Variants in NXPE2 observed in about 807,000 individuals in gnomAD.
The protein encoded by NXPE2 is neurexophilin and PC-esterase domain family member 2, also known as NXPE family member 2.
A neutral mutation model predicts 34.4 loss-of-function variants in NXPE2; 34 were observed. The observed-to-expected ratio is 0.99, with a 90% CI of 0.75 to 1.31. The LOEUF (loss-of-function observed/expected upper bound fraction) is 1.31. Among genes scored for constraint, NXPE2 ranks in the 40% most tolerant of loss-of-function variants. The pLI is 0.00. For missense variants in NXPE2, 649 were observed against 672.5 expected, an observed-to-expected ratio of 0.97 and a Z score of 0.39; for synonymous variants, 235 against 231.3, an observed-to-expected ratio of 1.02 and a Z score of -0.15.
At chr11:114,584,102 T>C in the NXPE2 span, 3 of 291,422 alleles carry the variant, frequency 1.0e-5, 1 homozygote, top group South Asian at 9.9e-5. Context: ...GCATGCCAAG[T>C]GTGTGGAATC....
the NXPE2 span, among the ~76,000 whole-genome samples, chr11:114,524,733 T>C: frequency 6.6e-6 from 1 of 152,244 alleles, no homozygotes; most frequent in African/African-American, 2.4e-5. Context: ...GTAAACCCTA[T>C]GTTGTGTAAT....
chr11:114,575,352 C>A, the NXPE2 span, among the ~76,000 whole-genome samples: 1 of 151,980 alleles, frequency 6.6e-6, no homozygotes, highest in South Asian at 2.1e-4. Context: ...AGCAATCAGA[C>A]AAAAGGAAGA....
the NXPE2 span, among the ~76,000 whole-genome samples, chr11:114,573,928 G>T: frequency 6.6e-6 from 1 of 152,108 alleles, no homozygotes; most frequent in African/African-American, 2.4e-5. Flanking sequence ...ATCAGCACAT[G>T]GAACATTCTC....
chr11:114,723,240 T>C, the NXPE2 span, among the ~76,000 whole-genome samples: 401 of 152,244 alleles, frequency 2.6e-3, no homozygotes, highest in Admixed American at 4.3e-3. Flanking sequence ...GGAAATTCAG[T>C]TCATCTTTTC....
At chr11:114,641,915 C>G in the NXPE2 span, among the ~76,000 whole-genome samples, 7 of 152,020 alleles carry the variant, frequency 4.6e-5, no homozygotes, top group Non-Finnish European at 4.4e-5. Flanking sequence ...ACTAGAGTAA[C>G]TTTATGCCAA....
chr11:114,659,117 T>C, the NXPE2 span, among the ~76,000 whole-genome samples: 1 of 152,226 alleles, frequency 6.6e-6, no homozygotes, highest in Non-Finnish European at 1.5e-5. Flanking sequence ...TCAATGCTCC[T>C]CCCTACCTCA....
the NXPE2 span, among the ~76,000 whole-genome samples, chr11:114,516,588 A>T: frequency 2.7e-3 from 406 of 152,202 alleles, no homozygotes; most frequent in Non-Finnish European, 4.8e-3. Flanking sequence ...TATTATTATT[A>T]TTGAAAAACT....
the NXPE2 span, among the ~76,000 whole-genome samples, chr11:114,645,288 G>A: frequency 2.6e-5 from 4 of 152,066 alleles, no homozygotes; most frequent in Middle Eastern, 3.2e-3. Context: ...GTGACAGAGT[G>A]AGACTCCATC....
chr11:114,752,948 G>T, the NXPE2 span, among the ~76,000 whole-genome samples: 1 of 152,198 alleles, frequency 6.6e-6, no homozygotes, highest in Admixed American at 6.5e-5. Flanking sequence ...GAGGTCATAA[G>T]ACTGAGCCTT....
At chr11:114,795,028 A>G in the NXPE2 span, among the ~76,000 whole-genome samples, 1 of 152,216 alleles carries the variant, frequency 6.6e-6, no homozygotes, top group African/African-American at 2.4e-5. Context: ...AATTTCCAGC[A>G]TTTTGTGGCT....
chr11:114,705,437 G>T (rs989931151), intron 4 of NXPE2, among the ~76,000 whole-genome samples: 2 of 152,108 alleles, frequency 1.3e-5, no homozygotes, highest in Non-Finnish European at 2.9e-5. Context: ...TATTTGGCAG[G>T]GCCACTGTGC....
the NXPE2 span, among the ~76,000 whole-genome samples, chr11:114,576,743 T>G: frequency 6.6e-6 from 1 of 152,000 alleles, no homozygotes; most frequent in Non-Finnish European, 1.5e-5. Flanking sequence ...TTGGTGGGAA[T>G]GTAAACTAGT....
chr11:114,541,209 A>G, the NXPE2 span, among the ~76,000 whole-genome samples: 3 of 152,150 alleles, frequency 2.0e-5, no homozygotes, highest in Admixed American at 6.6e-5. Flanking sequence ...TTTCCACAAC[A>G]TAACAGTCAC....
the NXPE2 span, among the ~76,000 whole-genome samples, chr11:114,488,316 T>A: frequency 6.6e-6 from 1 of 152,306 alleles, no homozygotes; most frequent in East Asian, 1.9e-4. Flanking sequence ...CCTCTAATGA[T>A]CCTTTGCATT....
chr11:114,805,734 G>C, the NXPE2 span, among the ~76,000 whole-genome samples: 6 of 152,308 alleles, frequency 3.9e-5, no homozygotes, highest in African/African-American at 1.4e-4. Flanking sequence ...AGCTCAAGGA[G>C]GCCTGCCTGC....
chr11:114,806,928 G>A, the NXPE2 span, among the ~76,000 whole-genome samples: 1 of 152,110 alleles, frequency 6.6e-6, no homozygotes, highest in Non-Finnish European at 1.5e-5. Flanking sequence ...AAAATGTTAA[G>A]GGCAGCCAGA....
chr11:114,767,506 T>TG, the NXPE2 span, among the ~76,000 whole-genome samples: 1 of 152,232 alleles, frequency 6.6e-6, no homozygotes, highest in South Asian at 2.1e-4. Context: ...ATTTATTGCA[T>TG]GGCAGTGTAA....
At chr11:114,647,271 T>C in the NXPE2 span, among the ~76,000 whole-genome samples, 1 of 152,222 alleles carries the variant, frequency 6.6e-6, no homozygotes, top group Admixed American at 6.5e-5. Flanking sequence ...CTAAGTTAAA[T>C]GGGCCTGTAA....
chr11:114,650,051 C>A, the NXPE2 span, among the ~76,000 whole-genome samples: 1 of 152,078 alleles, frequency 6.6e-6, no homozygotes, highest in African/African-American at 2.4e-5. Flanking sequence ...ACTTCAAAAA[C>A]ACTGCTTCCA....
Sources: gnomAD v4.1 joint callset for allele counts (sites outside exome capture counted in the v4.1 genomes callset) on GRCh38, gnomAD v4.1.1 for gene constraint, MANE v1.5 for transcripts, NCBI Gene and HGNC (gene_info 2026-07-23, HGNC 2026-07-21) for gene names.